Variants in L3MBTL4 observed in about 807,000 individuals in gnomAD.
L3MBTL4 encodes the protein L3MBTL histone methyl-lysine binding protein 4, also known as lethal(3)malignant brain tumor-like protein 4.
Under a neutral mutation model 84.5 loss-of-function variants are expected in L3MBTL4, and 70 were observed. The observed-to-expected ratio is 0.83, with a 90% CI of 0.68 to 1.01. The LOEUF (loss-of-function observed/expected upper bound fraction) is 1.01, where lower values mean the gene tolerates loss of function less well. Among genes scored for constraint, L3MBTL4 ranks in the 50% least tolerant of loss-of-function variants. L3MBTL4 has a pLI of 0.00. For synonymous variants in L3MBTL4, 274 were observed against 259.8 expected (o/e 1.05, Z -0.52); for missense variants, 715 against 754.8 (o/e 0.95, Z 0.62).
intron 16 of L3MBTL4, chr18:6,031,050 C>T (rs1398047617): frequency 2.4e-5 from 24 of 985,266 alleles, no homozygotes; most frequent in Non-Finnish European, 2.9e-5. Flanking sequence ...CTGGACTGCT[C>T]CATAAAACAC....
chr18:6,287,349 G>A (rs950405714), intron 4 of L3MBTL4, among the ~76,000 whole-genome samples: 13 of 151,986 alleles, frequency 8.6e-5, no homozygotes, highest in Admixed American at 3.3e-4. Flanking sequence ...AAAGAAAAAA[G>A]ACTCAAAGAC....
At chr18:6,329,613 G>A (rs2051918946) in intron 1 of L3MBTL4, among the ~76,000 whole-genome samples, 1 of 152,172 alleles carries the variant, frequency 6.6e-6, no homozygotes, top group Non-Finnish European at 1.5e-5. Flanking sequence ...GTTGAGTGGG[G>A]CACATCTGGT....
chr18:6,255,137 A>T (rs2048084666), intron 5 of L3MBTL4, among the ~76,000 whole-genome samples: 1 of 152,256 alleles, frequency 6.6e-6, no homozygotes, highest in Admixed American at 6.5e-5. Flanking sequence ...GAGAAAATAG[A>T]CAAGGATACT....
At position 5,956,355 on chromosome 18, in the gene L3MBTL4, T is replaced by C; in HGVS notation, c.1710A>G (p.Thr570=). 1 of 1,614,154 alleles carries C rather than the reference T, an allele frequency of 6.2e-7. No homozygotes were observed. Among genetic ancestry groups the C allele is most frequent in the Non-Finnish European group, 8.5e-7 (1 of 1,180,014 alleles). ...QIDGKAFLLL[T]QTDIVKVMKI... ...TCATCACTTTGACAATGTCCGTCTG[T>C]GTCAGAAGCAGGAAGGCTTTGCCAT... The change falls in exon 19 of 19, where the codon ACA becomes ACG. Residue 570 remains threonine (T), a synonymous_variant. Transcript: ENST00000317931.
chr18:6,344,441 G>A (rs1379217782), intron 1 of L3MBTL4, among the ~76,000 whole-genome samples: 1 of 152,124 alleles, frequency 6.6e-6, no homozygotes, highest in Non-Finnish European at 1.5e-5. Context: ...CACTTCGTTG[G>A]TAAATTCTAC....
In L3MBTL4 at chr18:6,116,359, G is replaced by GTT. The variant is rs147840317; in HGVS notation, c.1199+21833_1199+21834dup. ...TACATTGTTGTTGTGGTTGTTGCTGGTTTTTTTTTTTTTTTTTTTGAGATG... is the reference window on the plus strand; with the variant it reads ...TACATTGTTGTTGTGGTTGTTGCTGGTTTTTTTTTTTTTTTTTTTTTGAGATG... On this transcript the variant is annotated intron_variant, in intron 14 of 18. Transcript: ENST00000317931. Among the ~76,000 whole-genome samples, 23 of 129,908 alleles carry GTT rather than the reference G, an allele frequency of 1.8e-4. 1 individual carries two copies. Among genetic ancestry groups the GTT allele is most frequent in the African/African-American group, 3.2e-4 (11 of 34,112 alleles). 85.2% of individuals were successfully genotyped at this position (129,908 alleles called of 152,430 possible).
intron 13 of L3MBTL4, among the ~76,000 whole-genome samples, chr18:6,168,068 C>A (rs1339984424): frequency 6.6e-6 from 1 of 152,134 alleles, no homozygotes; most frequent in East Asian, 1.9e-4. Flanking sequence ...AGTGAACTCC[C>A]ATTCACAATT....
intron 16 of L3MBTL4, among the ~76,000 whole-genome samples, chr18:6,066,938 G>A (rs1251388803): frequency 6.9e-6 from 1 of 144,040 alleles, no homozygotes; most frequent in Non-Finnish European, 1.5e-5. Flanking sequence ...TTTTTTCATT[G>A]TGTTATTGTT....
At chr18:6,085,504 G>A (rs2058229450) in intron 15 of L3MBTL4, among the ~76,000 whole-genome samples, 1 of 152,216 alleles carries the variant, frequency 6.6e-6, no homozygotes, top group African/African-American at 2.4e-5. Flanking sequence ...CATGTGTCAA[G>A]GTAGAGACGA....
At chr18:6,083,849 C>T (rs767837936) in intron 15 of L3MBTL4, among the ~76,000 whole-genome samples, 4 of 152,190 alleles carry the variant, frequency 2.6e-5, no homozygotes, top group Non-Finnish European at 4.4e-5. Flanking sequence ...GTAGCTGTCA[C>T]TGTCACCCAA....
chr18:6,185,830 T>A (rs2044699179), intron 12 of L3MBTL4, among the ~76,000 whole-genome samples: 1 of 152,108 alleles, frequency 6.6e-6, no homozygotes, highest in Non-Finnish European at 1.5e-5. Context: ...GTGCTGAGGC[T>A]GCCAAATAGA....
At chr18:6,388,044 C>A (rs2054896866) in intron 1 of L3MBTL4, among the ~76,000 whole-genome samples, 1 of 152,024 alleles carries the variant, frequency 6.6e-6, no homozygotes, top group African/African-American at 2.4e-5. Flanking sequence ...CAAGGAAATG[C>A]ACATTAAAAT....
At chr18:5,956,419 T>G in intron 18 of L3MBTL4, 32 bp from the exon 19 acceptor site, 8 of 1,607,508 alleles carry the variant, frequency 5.0e-6, no homozygotes, top group Non-Finnish European at 6.8e-6. Context: ...CAAATAAAAA[T>G]GTTTTGCCAC....
chr18:6,128,004 C>G (rs2059751028), intron 14 of L3MBTL4, among the ~76,000 whole-genome samples: 1 of 117,372 alleles, frequency 8.5e-6, no homozygotes, highest in South Asian at 2.7e-4. Flanking sequence ...CCAACCTAAC[C>G]AAAAACGAAT....
chr18:6,083,309 G>A (rs375889088), intron 15 of L3MBTL4, among the ~76,000 whole-genome samples: 5 of 152,308 alleles, frequency 3.3e-5, no homozygotes, highest in South Asian at 4.1e-4. Context: ...GGAACAGAAC[G>A]AGCATAAGTA....
chr18:6,134,733 C>A (rs1276480881), intron 14 of L3MBTL4, among the ~76,000 whole-genome samples: 2 of 152,220 alleles, frequency 1.3e-5, no homozygotes, highest in African/African-American at 4.8e-5. Flanking sequence ...AGCTCCACCC[C>A]TGTGGCTTTG....
At chr18:6,217,607 T>C (rs527361034) in intron 10 of L3MBTL4, among the ~76,000 whole-genome samples, 2 of 152,202 alleles carry the variant, frequency 1.3e-5, no homozygotes, top group Non-Finnish European at 2.9e-5. Flanking sequence ...TTCTTTTTAG[T>C]GATAAGAAGT....
At position 6,414,205 on chromosome 18, in the gene L3MBTL4, C is replaced by G. The variant is rs977576911; in HGVS notation, c.-91+596G>C. On this transcript the variant is annotated intron_variant, in intron 1 of 18. Transcript: ENST00000317931. The surrounding 1 kb of genome is among the most constrained non-coding windows in gnomAD (Gnocchi z 5.4). ...GCCCTGCGCGCACTCCCTGGGCTCCCGCTCCCGAGGCTGGGCAGAACTCGC... is the reference window on the plus strand; with the variant it reads ...GCCCTGCGCGCACTCCCTGGGCTCCGGCTCCCGAGGCTGGGCAGAACTCGC... 6.6e-6 allele frequency: 1 copy of G among 152,404 alleles called. No individual in the cohort carries two copies. Among genetic ancestry groups the G allele is most frequent in the Non-Finnish European group, 1.5e-5 (1 of 68,202 alleles). 9.4% of individuals were successfully genotyped at this position (152,404 alleles called of 1,614,324 possible). A position where few individuals can be genotyped will look rare whatever the true frequency, so the allele number is the denominator to read the frequency against.
At chr18:6,092,544 G>A (rs1257224516) in intron 15 of L3MBTL4, among the ~76,000 whole-genome samples, 1 of 152,184 alleles carries the variant, frequency 6.6e-6, no homozygotes, top group Non-Finnish European at 1.5e-5. Flanking sequence ...TCAAGGTCTT[G>A]AACATGATTG....
Sources: allele counts gnomAD v4.1 joint callset (sites outside exome capture counted in the v4.1 genomes callset), GRCh38; gene constraint gnomAD v4.1.1; non-coding constraint Gnocchi (gnomAD v3.1); transcripts MANE v1.5; gene names NCBI Gene and HGNC (gene_info 2026-07-23, HGNC 2026-07-21).